The following LDB2 variants were observed in gnomAD, a reference collection of about 807,000 sequenced individuals.
LDB2 encodes the protein LIM domain binding 2.
LDB2 carries 12 observed loss-of-function variants against 44.3 expected under a neutral mutation model. The observed-to-expected ratio is 0.27, with a 90% CI of 0.17 to 0.44. The LOEUF (loss-of-function observed/expected upper bound fraction) is 0.44, where lower values mean the gene tolerates loss of function less well. Ranked by LOEUF, LDB2 falls within the 20% of genes least tolerant of loss-of-function variation. The pLI is 1.00. For missense variants in LDB2, 344 were observed against 473.5 expected (o/e 0.73, Z 2.54); for synonymous variants, 164 against 174.8 (o/e 0.94, Z 0.49).
chr4:16,662,074 T>C (rs1158660539), intron 2 of LDB2, among the ~76,000 whole-genome samples: 1 of 152,190 alleles, frequency 6.6e-6, no homozygotes, highest in East Asian at 1.9e-4. Context: ...GGGCAACTGA[T>C]TGCCAGAAAA....
intron 2 of LDB2, among the ~76,000 whole-genome samples, chr4:16,685,843 G>T (rs1214312412): frequency 6.6e-6 from 1 of 152,056 alleles, no homozygotes; most frequent in Admixed American, 6.5e-5. Flanking sequence ...GAGGTCAGGA[G>T]TTCGCAACCA....
At chr4:16,769,764 A>G (rs1289543434) in intron 1 of LDB2, among the ~76,000 whole-genome samples, 2 of 152,154 alleles carry the variant, frequency 1.3e-5, no homozygotes, top group African/African-American at 4.8e-5. Context: ...TACTACCAAC[A>G]TAGCAAATTG....
chr4:16,759,073 G>T, intron 2 of LDB2, 85 bp downstream of exon 2: 5 of 829,626 alleles, frequency 6.0e-6, no homozygotes, highest in Non-Finnish European at 1.0e-5. Flanking sequence ...CAGGCTGTCA[G>T]CTCTGTGCTA....
intron 1 of LDB2, among the ~76,000 whole-genome samples, chr4:16,882,054 ACGTGTGTGCATGTCT>A (rs1397086730): frequency 6.6e-6 from 1 of 152,240 alleles, no homozygotes. Flanking sequence ...ATGTGTATGC[ACGTGTGTGCATGTCT>A]CAGTACCGCA....
At chr4:16,802,250 C>G (rs528603118) in intron 1 of LDB2, among the ~76,000 whole-genome samples, 6 of 152,334 alleles carry the variant, frequency 3.9e-5, no homozygotes, top group Admixed American at 1.3e-4. Flanking sequence ...ACAAGACCCA[C>G]CCCGCCTCAG....
At chr4:16,888,957 T>C (rs191128504) in intron 1 of LDB2, among the ~76,000 whole-genome samples, 90 of 152,218 alleles carry the variant, frequency 5.9e-4, no homozygotes, top group African/African-American at 2.1e-3. Context: ...TCAAGGCTGG[T>C]CACTGTTTTC....
intron 2 of LDB2, among the ~76,000 whole-genome samples, chr4:16,644,254 A>T (rs79945418): frequency 6.6e-6 from 1 of 152,206 alleles, no homozygotes. Context: ...AATGCCAACC[A>T]GTGTAGAGAC....
intron 1 of LDB2, among the ~76,000 whole-genome samples, chr4:16,819,460 G>GGA (rs1554036097): frequency 6.4e-5 from 6 of 93,456 alleles, no homozygotes; most frequent in African/African-American, 1.3e-4. Context: ...CTGCACTCAG[G>GGA]AAAAAAAAAA....
intron 1 of LDB2, among the ~76,000 whole-genome samples, chr4:16,793,204 T>C (rs1776114451): frequency 6.6e-6 from 1 of 152,148 alleles, no homozygotes; most frequent in South Asian, 2.1e-4. Context: ...GTATACGCGT[T>C]GCCTTTAATT....
chr4:16,607,034 T>C (rs1382852639), intron 2 of LDB2, among the ~76,000 whole-genome samples: 1 of 152,194 alleles, frequency 6.6e-6, no homozygotes, highest in African/African-American at 2.4e-5. Context: ...CAGACTTGGG[T>C]AAAACTGGTC....
chr4:16,648,860 C>T (rs1028427635), intron 2 of LDB2, among the ~76,000 whole-genome samples: 1 of 152,052 alleles, frequency 6.6e-6, no homozygotes, highest in Non-Finnish European at 1.5e-5. Flanking sequence ...TGCACATACT[C>T]CACACATGAT....
At position 16,749,589 on chromosome 4, in the gene LDB2, A is replaced by AT. The variant is rs1554000497; in HGVS notation, c.235+9568_235+9569insA. On this transcript the variant is annotated intron_variant, in intron 2 of 7. Coordinates refer to ENST00000304523, the MANE Select transcript of LDB2 (RefSeq NM_001290.5). ...AAAAAAAAATAAAAAAATAAAAAAA[A>AT]ATATATATATATATATATGAGTCTC... is the stretch of plus-strand genomic sequence containing the variant. Among the ~76,000 whole-genome samples the AT allele has an allele frequency of 8.0e-4, 115 of 143,382 alleles. 1 individual carries two copies. The highest frequency in any genetic ancestry group is 1.3e-3 in the African/African-American group (49 of 38,762). 94.1% of individuals were successfully genotyped at this position (143,382 alleles called of 152,430 possible). A position where few individuals can be genotyped will look rare whatever the true frequency, so the allele number is the denominator to read the frequency against.
At chr4:16,801,037 T>C (rs1203010338) in intron 1 of LDB2, among the ~76,000 whole-genome samples, 1 of 152,222 alleles carries the variant, frequency 6.6e-6, no homozygotes, top group Non-Finnish European at 1.5e-5. Context: ...GTCCCCATAC[T>C]TCGGATGCAT....
chr4:16,844,513 T>G (rs1786561415), intron 1 of LDB2, among the ~76,000 whole-genome samples: 1 of 152,166 alleles, frequency 6.6e-6, no homozygotes, highest in African/African-American at 2.4e-5. Flanking sequence ...TATTAAGGAT[T>G]TGTCTGTTAT....
intron 2 of LDB2, among the ~76,000 whole-genome samples, chr4:16,632,624 A>G (rs1395562780): frequency 6.6e-6 from 1 of 152,186 alleles, no homozygotes; most frequent in Non-Finnish European, 1.5e-5. Context: ...TTCAAATAGG[A>G]AGAGAGGAAG....
intron 5 of LDB2, among the ~76,000 whole-genome samples, chr4:16,552,501 C>T (rs1473343635): frequency 6.6e-6 from 1 of 152,104 alleles, no homozygotes; most frequent in Non-Finnish European, 1.5e-5. Flanking sequence ...ACCTGTAAAA[C>T]AAAGGCTACC....
At chr4:16,632,590 G>C (rs574110600) in intron 2 of LDB2, among the ~76,000 whole-genome samples, 2 of 152,096 alleles carry the variant, frequency 1.3e-5, no homozygotes, top group African/African-American at 4.8e-5. Flanking sequence ...AGGGCAATCC[G>C]GTAAGAGAAA....
At chr4:16,574,844 GA>G (rs1171230845) in intron 5 of LDB2, among the ~76,000 whole-genome samples, 1 of 152,110 alleles carries the variant, frequency 6.6e-6, no homozygotes, top group Non-Finnish European at 1.5e-5. Flanking sequence ...AGTTTCAGAT[GA>G]AAAAAATTGG....
chr4:16,659,671 G>GTGTGTGTGTATATATATATATA (rs1315288524), intron 2 of LDB2, among the ~76,000 whole-genome samples: 1 of 133,560 alleles, frequency 7.5e-6, no homozygotes, highest in Admixed American at 7.0e-5. Flanking sequence ...ATCTATGTGT[G>GTGTGTGTGTATATATATATATA]TATATATATA....
Sources: allele counts gnomAD v4.1 joint callset (sites outside exome capture counted in the v4.1 genomes callset), GRCh38; gene constraint gnomAD v4.1.1; transcripts MANE v1.5; gene names NCBI Gene and HGNC (gene_info 2026-07-23, HGNC 2026-07-21).